CLIC4: variants seen among roughly 807,000 people sequenced by gnomAD.
The protein encoded by CLIC4 is CLIC family member 4, also known as chloride intracellular channel protein 4.
In CLIC4, 13 loss-of-function variants were observed where a neutral mutation model predicts 24.6. The ratio of observed to expected loss-of-function variants is 0.53; its 90% CI spans 0.34 to 0.84. The LOEUF is 0.84. CLIC4 is among the 40% of genes least tolerant of loss of function. CLIC4 has a pLI of 0.01. For synonymous variants in CLIC4, 104 were observed against 111.3 expected (o/e 0.93, Z 0.41); for missense variants, 227 against 301.7 (o/e 0.75, Z 1.83).
chr1:24,840,144 G>T, intron 5 of CLIC4, 103 bp downstream of exon 5: 1 of 1,102,690 alleles, frequency 9.1e-7, no homozygotes, highest in South Asian at 1.6e-5. Flanking sequence ...TATATGACTA[G>T]TTGTTTAACT....
At chr1:24,756,365 A>T (rs150426022) in intron 1 of CLIC4, among the ~76,000 whole-genome samples, 1 of 152,298 alleles carries the variant, frequency 6.6e-6, no homozygotes, top group East Asian at 1.9e-4. Flanking sequence ...TTCAACATGC[A>T]TATATTTTGT....
Position 24,840,934 on chromosome 1 carries a change from G to A in CLIC4, c.759G>A (p.Lys253=), listed in dbSNP as rs182652695. The change falls in exon 6 of 6, where the codon AAG becomes AAA. Residue 253 remains lysine, a synonymous_variant. Transcript: ENST00000374379. ...AYSDVAKRLT[K] ...GTGATGTAGCCAAAAGACTCACCAAGTAAAATCGCGTTTGTAAAAGAGATG... is the reference window on the plus strand; with the variant it reads ...GTGATGTAGCCAAAAGACTCACCAAATAAAATCGCGTTTGTAAAAGAGATG... 394 of 1,582,640 alleles carry A rather than the reference G, an allele frequency of 2.5e-4. 2 individuals are homozygous for A. The highest frequency in any genetic ancestry group is 3.2e-4 in the Non-Finnish European group (377 of 1,167,512).
At chr1:24,751,207 C>CTTTT (rs563478354) in intron 1 of CLIC4, among the ~76,000 whole-genome samples, 3 of 109,018 alleles carry the variant, frequency 2.8e-5, no homozygotes, top group African/African-American at 6.7e-5. Context: ...TACTTCCAGT[C>CTTTT]TTTTTTTTTT....
chr1:24,810,890 T>C (rs770088083), intron 2 of CLIC4, among the ~76,000 whole-genome samples: 20 of 151,854 alleles, frequency 1.3e-4, no homozygotes, highest in Non-Finnish European at 2.8e-4. Flanking sequence ...CCATCCTGAC[T>C]AACATGGTGA....
chr1:24,810,866 A>C (rs971626188), intron 2 of CLIC4, among the ~76,000 whole-genome samples: 1 of 151,944 alleles, frequency 6.6e-6, no homozygotes, highest in African/African-American at 2.4e-5. Flanking sequence ...TGGGCGGATC[A>C]TGAGGTCAGG....
intron 1 of CLIC4, among the ~76,000 whole-genome samples, chr1:24,774,519 C>T (rs1211570445): frequency 1.3e-5 from 2 of 152,032 alleles, no homozygotes; most frequent in African/African-American, 2.4e-5. Flanking sequence ...CTTGACTGGG[C>T]GTGGTGGCTC....
Position 24,814,217 on chromosome 1 carries a change from C to G in CLIC4, c.306C>G (p.Pro102=), listed in dbSNP as rs748521229. 2 of 1,611,230 alleles carry G rather than the reference C, an allele frequency of 1.2e-6. No individual in the cohort carries two copies. Among genetic ancestry groups the G allele is most frequent in the Non-Finnish European group, 1.7e-6 (2 of 1,179,206 alleles). The part of the protein sequence containing the change: ...EEFLEEVLCP[P]KYLKLSPKHP... ...TTCTTGAAGAAGTCTTATGCCCTCC[C>G]AAGTGAGTATCAAGGAAAATACGTA... The change falls in exon 3 of 6, where the codon CCC becomes CCG. Residue 102 remains proline (P), a splice_region_variant and synonymous_variant. Coordinates refer to ENST00000374379, the MANE Select transcript of CLIC4 (RefSeq NM_013943.3).
intron 1 of CLIC4, among the ~76,000 whole-genome samples, chr1:24,775,925 T>C (rs1193670672): frequency 1.3e-5 from 2 of 152,066 alleles, no homozygotes; most frequent in Non-Finnish European, 2.9e-5. Context: ...TGATAAATGA[T>C]AATTTATATA....
At chr1:24,788,895 A>G (rs888654414) in intron 1 of CLIC4, among the ~76,000 whole-genome samples, 3 of 152,174 alleles carry the variant, frequency 2.0e-5, no homozygotes, top group African/African-American at 7.2e-5. Context: ...CAAGACCACA[A>G]ACTTTTAGAT....
At position 24,840,868 on chromosome 1, in the gene CLIC4, C is replaced by G. The variant is rs763437779; in HGVS notation, c.693C>G (p.Thr231=). 19 of 1,612,200 alleles carry G rather than the reference C, an allele frequency of 1.2e-5. No individual in the cohort carries two copies. In the South Asian group the frequency reaches 1.9e-4, roughly 16 times the overall value. Residue 231 remains threonine (T), a synonymous_variant, in exon 6 of 6, where the codon ACC becomes ACG. Transcript: ENST00000374379. ...ATGCATACAGTAGGGACGAGTTCAC[C>G]AATACCTGTCCCAGTGATAAGGAGG... is the stretch of plus-strand genomic sequence containing the variant. ...LTNAYSRDEF[T]NTCPSDKEVE... is the part of the protein sequence containing the mutation.
At chr1:24,823,891 A>G (rs1366528791) in intron 3 of CLIC4, among the ~76,000 whole-genome samples, 4 of 152,226 alleles carry the variant, frequency 2.6e-5, no homozygotes, top group African/African-American at 9.6e-5. Flanking sequence ...AAGCATGGAA[A>G]CATTCTTAGC....
chr1:24,820,008 T>G (rs1251726067), intron 3 of CLIC4, among the ~76,000 whole-genome samples: 3 of 137,510 alleles, frequency 2.2e-5, no homozygotes, highest in Non-Finnish European at 4.7e-5. Context: ...CCCAAAGTGC[T>G]GGGATTACAG....
chr1:24,824,448 A>G (rs1158078572), intron 3 of CLIC4, among the ~76,000 whole-genome samples: 1 of 152,028 alleles, frequency 6.6e-6, no homozygotes, highest in African/African-American at 2.4e-5. Context: ...TTGTATTTTT[A>G]GTGGAGACAG....
chr1:24,775,827 C>CT (rs901137221), intron 1 of CLIC4, among the ~76,000 whole-genome samples: 351 of 136,050 alleles, frequency 2.6e-3, no homozygotes, highest in Middle Eastern at 4.0e-3. Context: ...TCCTTGATTA[C>CT]TTTTTTTTTT....
rs780054227 is a variant in CLIC4, at chr1:24,840,930, C to T, written c.755C>T (p.Thr252Ile). 1.3e-6 allele frequency: 2 copies of T among 1,582,518 alleles called. No homozygotes were observed. The highest frequency in any genetic ancestry group is 1.7e-6 in the Non-Finnish European group (2 of 1,167,686). Residue 252 changes from threonine (T) to isoleucine (I), a missense_variant, in exon 6 of 6, where the codon ACC (threonine) becomes ATC (isoleucine). Coordinates refer to ENST00000374379, the MANE Select transcript of CLIC4 (RefSeq NM_013943.3). ...TATAGTGATGTAGCCAAAAGACTCA[C>T]CAAGTAAAATCGCGTTTGTAAAAGA... ...IAYSDVAKRL[T>I]K
At chr1:24,746,290 A>G (rs1392166635) in intron 1 of CLIC4, among the ~76,000 whole-genome samples, 1 of 152,136 alleles carries the variant, frequency 6.6e-6, no homozygotes, top group Admixed American at 6.5e-5. Context: ...GTATGATGCA[A>G]CATTTTGGCT....
chr1:24,818,490 TTGGCCAGGCTTGTCTCGA>T (rs1367958758), intron 3 of CLIC4, among the ~76,000 whole-genome samples: 26 of 152,320 alleles, frequency 1.7e-4, no homozygotes, highest in African/African-American at 6.0e-4. Flanking sequence ...TTCCACCATG[TTGGCCAGGCTTGTCTCGA>T]AATCCTGACC....
chr1:24,807,952 C>G (rs1366050153), intron 2 of CLIC4, among the ~76,000 whole-genome samples: 1 of 39,472 alleles, frequency 2.5e-5, no homozygotes. Context: ...AAAAAACATT[C>G]CTTTTTTTTT....
At chr1:24,760,385 A>G (rs1050077160) in intron 1 of CLIC4, among the ~76,000 whole-genome samples, 1 of 152,074 alleles carries the variant, frequency 6.6e-6, no homozygotes, top group African/African-American at 2.4e-5. Flanking sequence ...AGAAAAAGAA[A>G]AGAAAATCTT....
Sources: allele counts gnomAD v4.1 joint callset (sites outside exome capture counted in the v4.1 genomes callset), GRCh38; gene constraint gnomAD v4.1.1; transcripts MANE v1.5; gene names NCBI Gene and HGNC (gene_info 2026-07-23, HGNC 2026-07-21).